BABAM2: variants seen among roughly 807,000 people sequenced by gnomAD.
The protein encoded by BABAM2 is BRISC and BRCA1-A complex member 2.
BABAM2 carries 31 observed loss-of-function variants against 54.7 expected under a neutral mutation model. That is an observed-to-expected ratio of 0.57 (90% CI 0.43 to 0.77). The LOEUF is 0.77. BABAM2 is among the 30% of genes least tolerant of loss of function. BABAM2 has a pLI of 0.00. For synonymous variants in BABAM2, 167 were observed against 162.9 expected (o/e 1.03, Z -0.19); for missense variants, 364 against 455.8 (o/e 0.80, Z 1.83).
intron 5 of BABAM2, among the ~76,000 whole-genome samples, chr2:28,039,139 G>T (rs924942682): frequency 6.6e-6 from 1 of 152,162 alleles, no homozygotes; most frequent in Admixed American, 6.5e-5. Context: ...TAGATGCCTA[G>T]CGGAGTGCCT....
At chr2:28,294,640 C>T (rs909947782) in intron 10 of BABAM2, among the ~76,000 whole-genome samples, 3 of 152,142 alleles carry the variant, frequency 2.0e-5, no homozygotes, top group Non-Finnish European at 2.9e-5. Flanking sequence ...CCATTCAAAT[C>T]ATTCTTGTCA....
At chr2:28,261,664 A>G (rs1471318076) in intron 10 of BABAM2, among the ~76,000 whole-genome samples, 1 of 152,036 alleles carries the variant, frequency 6.6e-6, no homozygotes, top group East Asian at 1.9e-4. Flanking sequence ...TATGTATATG[A>G]TCATGTCATC....
chr2:27,933,472 T>C (rs1409205342), intron 3 of BABAM2, among the ~76,000 whole-genome samples: 1 of 151,764 alleles, frequency 6.6e-6, no homozygotes, highest in Non-Finnish European at 1.5e-5. Flanking sequence ...AAAAAACACA[T>C]ATATATGTAT....
At chr2:28,141,977 CT>C (rs1411193437) in intron 7 of BABAM2, among the ~76,000 whole-genome samples, 2 of 152,074 alleles carry the variant, frequency 1.3e-5, no homozygotes, top group African/African-American at 4.8e-5. Flanking sequence ...TGGTATGGTT[CT>C]TGATTACAAG....
chr2:28,206,781 C>T (rs1047453936), intron 7 of BABAM2, among the ~76,000 whole-genome samples: 38 of 152,168 alleles, frequency 2.5e-4, no homozygotes, highest in African/African-American at 8.7e-4. Flanking sequence ...TACCTAACTA[C>T]GAACGCTGTG....
At chr2:27,985,264 A>G (rs772889729) in intron 3 of BABAM2, among the ~76,000 whole-genome samples, 29 of 152,120 alleles carry the variant, frequency 1.9e-4, no homozygotes, top group Non-Finnish European at 3.4e-4. Context: ...TGTGGATCAA[A>G]TGGTATTTCT....
chr2:27,898,234 G>A (rs1665496864), intron 2 of BABAM2, among the ~76,000 whole-genome samples: 1 of 152,032 alleles, frequency 6.6e-6, no homozygotes, highest in African/African-American at 2.4e-5. Context: ...CTTTTCATAA[G>A]TTCCTTTGGT....
intron 6 of BABAM2, among the ~76,000 whole-genome samples, chr2:28,117,958 G>T (rs915595344): frequency 6.6e-6 from 1 of 152,180 alleles, no homozygotes; most frequent in Non-Finnish European, 1.5e-5. Flanking sequence ...TTAAGTTATG[G>T]AGACGTATTA....
intron 7 of BABAM2, among the ~76,000 whole-genome samples, chr2:28,173,220 T>G (rs1674549913): frequency 6.6e-6 from 1 of 152,242 alleles, no homozygotes; most frequent in Admixed American, 6.5e-5. Flanking sequence ...GTTAGCCTTG[T>G]GGGGGTTGCC....
chr2:28,068,587 T>G (rs1663836867), intron 6 of BABAM2, among the ~76,000 whole-genome samples: 1 of 152,178 alleles, frequency 6.6e-6, no homozygotes, highest in Non-Finnish European at 1.5e-5. Flanking sequence ...GTTTTAAATA[T>G]TGTATGAGTG....
At chr2:28,275,137 T>G (rs1383166158) in intron 10 of BABAM2, among the ~76,000 whole-genome samples, 1 of 152,162 alleles carries the variant, frequency 6.6e-6, no homozygotes, top group Non-Finnish European at 1.5e-5. Flanking sequence ...GATGGACCAG[T>G]GATTTCATTT....
intron 3 of BABAM2, chr2:27,930,269 T>C: frequency 5.2e-6 from 1 of 193,550 alleles, no homozygotes; most frequent in Non-Finnish European, 1.1e-5. Context: ...CTGCTGTCCA[T>C]CACTGCTGCT....
chr2:27,954,686 C>T (rs1169829118), intron 3 of BABAM2, among the ~76,000 whole-genome samples: 1 of 152,116 alleles, frequency 6.6e-6, no homozygotes, highest in Non-Finnish European at 1.5e-5. Context: ...TGGCATAAGC[C>T]GACCAAATAT....
At chr2:28,069,958 C>A (rs1558307412) in intron 6 of BABAM2, among the ~76,000 whole-genome samples, 1 of 152,210 alleles carries the variant, frequency 6.6e-6, no homozygotes, top group Non-Finnish European at 1.5e-5. Context: ...TCACTGCAGC[C>A]TCTAACTGCT....
chr2:28,227,917 C>G (rs1681038342), intron 7 of BABAM2, among the ~76,000 whole-genome samples: 1 of 152,056 alleles, frequency 6.6e-6, no homozygotes, highest in African/African-American at 2.4e-5. Flanking sequence ...AACAAGCCCT[C>G]CCACCCCCTC....
At chr2:28,047,802 TA>T (rs1677705268) in intron 6 of BABAM2, among the ~76,000 whole-genome samples, 1 of 151,966 alleles carries the variant, frequency 6.6e-6, no homozygotes, top group South Asian at 2.1e-4. Flanking sequence ...GCAAAAAGAG[TA>T]AAACAACAAT....
intron 7 of BABAM2, among the ~76,000 whole-genome samples, chr2:28,145,979 A>AGG (rs1247552862): frequency 2.6e-5 from 4 of 152,220 alleles, no homozygotes; most frequent in Non-Finnish European, 5.9e-5. Context: ...TCCATTCATT[A>AGG]GGTAGTAGAC....
intron 6 of BABAM2, among the ~76,000 whole-genome samples, chr2:28,117,167 C>A (rs1558352989): frequency 6.6e-6 from 1 of 152,158 alleles, no homozygotes; most frequent in Non-Finnish European, 1.5e-5. Flanking sequence ...GTACTGCAGG[C>A]AGATTGCTCT....
At chr2:27,987,913 G>T in intron 3 of BABAM2, 80 bp from the exon 4 acceptor site, 2 of 1,221,966 alleles carry the variant, frequency 1.6e-6, no homozygotes, top group South Asian at 1.4e-5. Context: ...ATTTCTTTTA[G>T]AAGTTTTTCT....
Sources: gnomAD v4.1 joint callset for allele counts (sites outside exome capture counted in the v4.1 genomes callset) on GRCh38, gnomAD v4.1.1 for gene constraint, MANE v1.5 for transcripts, NCBI Gene and HGNC (gene_info 2026-07-23, HGNC 2026-07-21) for gene names.